TAFA2: variants seen among roughly 807,000 people sequenced by gnomAD.
The protein encoded by TAFA2 is TAFA chemokine like family member 2.
A neutral mutation model predicts 18.8 loss-of-function variants in TAFA2; 7 were observed. That is an observed-to-expected ratio of 0.37 (90% CI 0.21 to 0.70). TAFA2 has a LOEUF of 0.70. Ranked by LOEUF, TAFA2 falls within the 30% of genes least tolerant of loss-of-function variation. TAFA2 has a pLI of 0.53. For missense variants in TAFA2, 122 were observed against 158.1 expected, an observed-to-expected ratio of 0.77 and a Z score of 1.23; for synonymous variants, 60 against 54.2, an observed-to-expected ratio of 1.11 and a Z score of -0.47.
At chr12:61,734,937 C>A (rs1868279618) in intron 4 of TAFA2, among the ~76,000 whole-genome samples, 1 of 151,948 alleles carries the variant, frequency 6.6e-6, no homozygotes, top group African/African-American at 2.4e-5. Flanking sequence ...ATGTCTCAAT[C>A]TCCTCAACTG....
intron 1 of TAFA2, among the ~76,000 whole-genome samples, chr12:62,142,486 G>GA (rs1224634521): frequency 2.6e-5 from 4 of 151,726 alleles, no homozygotes; most frequent in South Asian, 4.2e-4. Context: ...AATGTTTTCA[G>GA]AAAAAAAACT....
chr12:62,231,612 CAT>C (rs941347362), intron 1 of TAFA2, among the ~76,000 whole-genome samples: 4 of 152,162 alleles, frequency 2.6e-5, no homozygotes, highest in Non-Finnish European at 4.4e-5. Context: ...TATTTTGTTA[CAT>C]GTTTTTTGTT....
At chr12:61,741,334 T>C (rs1868437503) in intron 4 of TAFA2, among the ~76,000 whole-genome samples, 1 of 151,776 alleles carries the variant, frequency 6.6e-6, no homozygotes, top group Admixed American at 6.6e-5. Context: ...CATGTGTGTG[T>C]ATATATATTT....
chr12:62,099,113 T>G (rs1869075236), intron 1 of TAFA2, among the ~76,000 whole-genome samples: 1 of 152,302 alleles, frequency 6.6e-6, no homozygotes, highest in African/African-American at 2.4e-5. Flanking sequence ...AAGAGACTTG[T>G]AATTTCATTT....
intron 1 of TAFA2, among the ~76,000 whole-genome samples, chr12:62,054,178 T>C (rs149618739): frequency 6.6e-6 from 1 of 152,244 alleles, no homozygotes; most frequent in Non-Finnish European, 1.5e-5. Flanking sequence ...ATTAAGCAGA[T>C]CAGAAATCAA....
chr12:62,030,458 C>T (rs978305909), intron 1 of TAFA2, among the ~76,000 whole-genome samples: 1 of 151,980 alleles, frequency 6.6e-6, no homozygotes, highest in Admixed American at 6.6e-5. Flanking sequence ...GCAAAAGAAA[C>T]AAAAGTAGTG....
At chr12:61,713,657 G>A (rs192015503) in intron 4 of TAFA2, among the ~76,000 whole-genome samples, 118 of 152,232 alleles carry the variant, frequency 7.8e-4, no homozygotes, top group Non-Finnish European at 7.4e-5. Context: ...ATTATCACCA[G>A]TTGAAAAAGT....
chr12:62,127,749 A>G (rs1305372845), intron 1 of TAFA2, among the ~76,000 whole-genome samples: 1 of 151,994 alleles, frequency 6.6e-6, no homozygotes, highest in Non-Finnish European at 1.5e-5. Context: ...TGTTACCTAG[A>G]GCAAGTTTCT....
At chr12:61,779,460 T>C (rs760172447) in intron 2 of TAFA2, among the ~76,000 whole-genome samples, 2 of 151,764 alleles carry the variant, frequency 1.3e-5, no homozygotes, top group African/African-American at 4.8e-5. Context: ...TCTGAAAAAA[T>C]AGGTGTTAAC....
At chr12:62,018,971 T>C (rs1472348917) in intron 1 of TAFA2, among the ~76,000 whole-genome samples, 1 of 152,060 alleles carries the variant, frequency 6.6e-6, no homozygotes, top group Non-Finnish European at 1.5e-5. Context: ...CTCAAACAAA[T>C]TTATAAGAAA....
In TAFA2 at chr12:61,798,112, A is replaced by G. The variant is rs2120956005; in HGVS notation, c.107-43088T>C. On this transcript the variant is annotated intron_variant, in intron 2 of 4. Transcript: ENST00000416284. Reference sequence around the variant, plus strand: ...ATTATAATGAAACAGAAGTTTTAGTACCATTCACATTATGAACAATGTATT... The same window carrying G: ...ATTATAATGAAACAGAAGTTTTAGTGCCATTCACATTATGAACAATGTATT... Among the ~76,000 whole-genome samples the G allele has an allele frequency of 1.3e-5, 2 of 152,314 alleles. 1 individual carries two copies. The highest frequency in any genetic ancestry group is 6.8e-3 in the Middle Eastern group (2 of 294).
chr12:61,850,086 G>A (rs965079705), intron 2 of TAFA2, among the ~76,000 whole-genome samples: 1 of 151,984 alleles, frequency 6.6e-6, no homozygotes, highest in Non-Finnish European at 1.5e-5. Flanking sequence ...TTCATAAAAG[G>A]TGAAAAAATC....
intron 1 of TAFA2, among the ~76,000 whole-genome samples, chr12:61,927,384 G>A (rs1460805558): frequency 6.6e-6 from 1 of 152,114 alleles, no homozygotes; most frequent in Non-Finnish European, 1.5e-5. Flanking sequence ...TAAACAGAGA[G>A]CCAAATCATG....
At chr12:61,949,281 G>A (rs987638555) in intron 1 of TAFA2, among the ~76,000 whole-genome samples, 4 of 152,128 alleles carry the variant, frequency 2.6e-5, no homozygotes, top group Middle Eastern at 6.8e-3. Flanking sequence ...AGACTCCAAC[G>A]GAAACATCAG....
intron 2 of TAFA2, among the ~76,000 whole-genome samples, chr12:61,825,268 G>A (rs544444008): frequency 1.2e-4 from 18 of 152,248 alleles, no homozygotes; most frequent in African/African-American, 3.6e-4. Flanking sequence ...CACTGCGGAT[G>A]TGGACCCTAG....
intron 1 of TAFA2, among the ~76,000 whole-genome samples, chr12:61,881,844 T>C (rs1195801646): frequency 6.6e-6 from 1 of 152,092 alleles, no homozygotes; most frequent in Non-Finnish European, 1.5e-5. Flanking sequence ...GGGTGTGGCT[T>C]CAGTTCGAAG....
At chr12:62,100,779 T>C (rs1486444041) in intron 1 of TAFA2, among the ~76,000 whole-genome samples, 3 of 152,196 alleles carry the variant, frequency 2.0e-5, no homozygotes, top group Non-Finnish European at 4.4e-5. Context: ...TCAAAACTTT[T>C]GAGTGCCAGT....
chr12:61,959,884 G>A (rs1456194959), intron 1 of TAFA2, among the ~76,000 whole-genome samples: 6 of 151,544 alleles, frequency 4.0e-5, no homozygotes, highest in Non-Finnish European at 7.4e-5. Context: ...TTTTTTTAGA[G>A]AGGGGTGTCA....
chr12:62,115,518 C>G (rs1190111107), intron 1 of TAFA2, among the ~76,000 whole-genome samples: 1 of 152,114 alleles, frequency 6.6e-6, no homozygotes, highest in Non-Finnish European at 1.5e-5. Flanking sequence ...ATGTCCAAAT[C>G]ACAGTCTGTA....
Sources: allele counts gnomAD v4.1 joint callset (sites outside exome capture counted in the v4.1 genomes callset), GRCh38; gene constraint gnomAD v4.1.1; transcripts MANE v1.5; gene names NCBI Gene and HGNC (gene_info 2026-07-23, HGNC 2026-07-21).